AFF1: variants seen among roughly 807,000 people sequenced by gnomAD.
AFF1 encodes the protein ALF transcription elongation factor 1.
Under a neutral mutation model 121.7 loss-of-function variants are expected in AFF1, and 48 were observed. That is an observed-to-expected ratio of 0.39 (90% CI 0.31 to 0.50). AFF1 has a LOEUF of 0.50. Ranked by LOEUF, AFF1 falls within the 20% of genes least tolerant of loss-of-function variation. The pLI, the probability that AFF1 is intolerant of heterozygous loss-of-function variation, is 0.76. For synonymous variants in AFF1, 613 were observed against 563.0 expected, an observed-to-expected ratio of 1.09 and a Z score of -1.26; for missense variants, 1,523 against 1,511.7, an observed-to-expected ratio of 1.01 and a Z score of -0.12.
At chr4:87,003,981 C>T (rs796069684) in intron 2 of AFF1, among the ~76,000 whole-genome samples, 8 of 152,264 alleles carry the variant, frequency 5.3e-5, no homozygotes, top group African/African-American at 1.9e-4. Flanking sequence ...AAATTATTTT[C>T]TAAATAAGCA....
chr4:87,129,457 C>T (rs1728603400), intron 16 of AFF1, among the ~76,000 whole-genome samples: 1 of 152,192 alleles, frequency 6.6e-6, no homozygotes, highest in Admixed American at 6.5e-5. Context: ...CAAATTGCTA[C>T]ACAGTATTGT....
chr4:87,018,372 A>G (rs1374536555), intron 2 of AFF1, among the ~76,000 whole-genome samples: 1 of 152,250 alleles, frequency 6.6e-6, no homozygotes, highest in Non-Finnish European at 1.5e-5. Context: ...TGAGGGAATA[A>G]TAGGGGGTGG....
intron 12 of AFF1, among the ~76,000 whole-genome samples, chr4:87,117,874 C>A (rs1292892368): frequency 6.6e-6 from 1 of 152,128 alleles, no homozygotes; most frequent in Non-Finnish European, 1.5e-5. Context: ...AGCGCCCTGA[C>A]TGCTTGTTAG....
chr4:87,117,168 G>A (rs1727210155), intron 12 of AFF1, among the ~76,000 whole-genome samples: 1 of 152,188 alleles, frequency 6.6e-6, no homozygotes, highest in African/African-American at 2.4e-5. Context: ...GCAGCTTGTG[G>A]CTCTAGAAAG....
At chr4:87,094,283 AG>A (rs954616847) in intron 7 of AFF1, among the ~76,000 whole-genome samples, 1 of 152,186 alleles carries the variant, frequency 6.6e-6, no homozygotes, top group African/African-American at 2.4e-5. Context: ...GTGATTTCCC[AG>A]GGCAGTTAAT....
rs1163017298 is a variant in AFF1 at position 87,006,983 on chromosome 4, C to T, written c.39-39183C>T. ...CGGACTCGGACAACTTCAAGTGAGCCCAGAGGCAATTTCTTTTCCTTTCTA... is the reference window on the plus strand; with the variant it reads ...CGGACTCGGACAACTTCAAGTGAGCTCAGAGGCAATTTCTTTTCCTTTCTA... On this transcript the variant is annotated intron_variant, in intron 2 of 20. Coordinates refer to ENST00000395146, the MANE Select transcript of AFF1 (RefSeq NM_001166693.3). 3 of 1,067,632 alleles carry T rather than the reference C, an allele frequency of 2.8e-6. No individual in the cohort carries two copies. In the African/African-American group the frequency reaches 5.0e-5, roughly 18 times the overall value. 66.1% of individuals were successfully genotyped at this position (1,067,632 alleles called of 1,614,324 possible). A position where few individuals can be genotyped will look rare whatever the true frequency, so the allele number is the denominator to read the frequency against.
At chr4:87,022,644 A>ATC (rs1728104502) in intron 2 of AFF1, among the ~76,000 whole-genome samples, 1 of 139,224 alleles carries the variant, frequency 7.2e-6, no homozygotes, top group South Asian at 2.3e-4. Flanking sequence ...GCGTGTATAT[A>ATC]TGTGTGTGTA....
chr4:87,011,174 G>A (rs1726718152), intron 2 of AFF1, among the ~76,000 whole-genome samples: 1 of 152,154 alleles, frequency 6.6e-6, no homozygotes, highest in Non-Finnish European at 1.5e-5. Flanking sequence ...ATGCATGGGA[G>A]TAGGGGAGTT....
At chr4:86,970,649 G>A (rs1383925299) in intron 2 of AFF1, among the ~76,000 whole-genome samples, 1 of 152,150 alleles carries the variant, frequency 6.6e-6, no homozygotes. Flanking sequence ...TTATAAAGCA[G>A]GTTTGGTGAG....
chr4:87,083,198 C>T (rs1723345704), intron 4 of AFF1, among the ~76,000 whole-genome samples: 1 of 152,064 alleles, frequency 6.6e-6, no homozygotes, highest in South Asian at 2.1e-4. Context: ...AATGTCATTC[C>T]CTAGGCACTG....
chr4:87,097,362 A>T (rs1010101677), intron 8 of AFF1, among the ~76,000 whole-genome samples: 1 of 152,174 alleles, frequency 6.6e-6, no homozygotes, highest in African/African-American at 2.4e-5. Context: ...TGAGCAGGCA[A>T]AAGTCACACC....
chr4:87,081,271 C>T (rs1162620966), intron 4 of AFF1, among the ~76,000 whole-genome samples: 2 of 149,390 alleles, frequency 1.3e-5, no homozygotes, highest in African/African-American at 2.5e-5. Context: ...ACACGACTCT[C>T]CTGCCTCAGC....
intron 10 of AFF1, among the ~76,000 whole-genome samples, chr4:87,106,399 A>G (rs977822123): frequency 6.6e-6 from 1 of 152,222 alleles, no homozygotes; most frequent in Non-Finnish European, 1.5e-5. Context: ...GGAGTTTACA[A>G]ACAAGCTTAA....
intron 2 of AFF1, among the ~76,000 whole-genome samples, chr4:86,974,754 A>C (rs1034810319): frequency 4.6e-5 from 7 of 152,212 alleles, no homozygotes; most frequent in Non-Finnish European, 1.0e-4. Flanking sequence ...AGAGCTGTAC[A>C]CGGTGTTTTG....
At chr4:87,108,995 G>A (rs1285182198) in intron 11 of AFF1, among the ~76,000 whole-genome samples, 1 of 152,196 alleles carries the variant, frequency 6.6e-6, no homozygotes, top group Non-Finnish European at 1.5e-5. Context: ...TTACTGGATT[G>A]TTGAGCACAA....
intron 2 of AFF1, chr4:87,006,919 G>A (rs1455565475): frequency 1.0e-6 from 1 of 999,628 alleles, no homozygotes; most frequent in Non-Finnish European, 1.2e-6. Context: ...AAGTAGGCGG[G>A]CCGTACCACC....
Position 87,047,242 on chromosome 4 carries a change from A to G in AFF1, c.707A>G (p.Lys236Arg), listed in dbSNP as rs1730796561. 2.5e-6 allele frequency: 4 copies of G among 1,614,066 alleles called. No individual in the cohort carries two copies. The highest frequency in any genetic ancestry group is 3.4e-6 in the Non-Finnish European group (4 of 1,180,050). ...QTLPRTQGSS[K>R]VHGSSNNSKG... ...CTTCCCCGGACGCAAGGAAGCAGCA[A>G]GGTTCATGGCAGCAGCAATAACAGT... is the stretch of plus-strand genomic sequence containing the variant. Residue 236 changes from lysine (K) to arginine (R), a missense_variant, in exon 4 of 21, where the codon AAG (lysine) becomes AGG (arginine). By Grantham distance (26) the Lys-to-Arg change is conservative. Transcript: ENST00000395146.
At chr4:87,130,479 C>T (rs938624806) in intron 16 of AFF1, among the ~76,000 whole-genome samples, 2 of 152,150 alleles carry the variant, frequency 1.3e-5, no homozygotes, top group African/African-American at 4.8e-5. Flanking sequence ...TGTAGGGTGA[C>T]CACCAATATC....
At chr4:87,113,498 T>C (rs1242352436) in intron 11 of AFF1, among the ~76,000 whole-genome samples, 1 of 152,204 alleles carries the variant, frequency 6.6e-6, no homozygotes, top group Non-Finnish European at 1.5e-5. Flanking sequence ...CTTGAACTCC[T>C]GGGCTTAAAC....
Sources: gnomAD v4.1 joint callset for allele counts (sites outside exome capture counted in the v4.1 genomes callset) on GRCh38, gnomAD v4.1.1 for gene constraint, MANE v1.5 for transcripts, NCBI Gene and HGNC (gene_info 2026-07-23, HGNC 2026-07-21) for gene names.